The following MARCHF3 variants were observed in gnomAD, a reference collection of about 807,000 sequenced individuals.
MARCHF3 encodes E3 ubiquitin-protein ligase MARCHF3.
MARCHF3 carries 13 observed loss-of-function variants against 24.2 expected under a neutral mutation model. The ratio of observed to expected loss-of-function variants is 0.54; its 90% confidence interval spans 0.35 to 0.85. MARCHF3 has a LOEUF of 0.85. Ranked by LOEUF, MARCHF3 falls within the 40% of genes least tolerant of loss-of-function variation. MARCHF3 has a pLI of 0.01. For synonymous variants in MARCHF3, 144 were observed against 137.3 expected (o/e 1.05, Z -0.34); for missense variants, 276 against 325.0 (o/e 0.85, Z 1.16).
At chr5:126,997,663 A>G (rs1447559620) in intron 1 of MARCHF3, among the ~76,000 whole-genome samples, 1 of 152,158 alleles carries the variant, frequency 6.6e-6, no homozygotes, top group East Asian at 1.9e-4. Context: ...CTATTCAGTT[A>G]TTTTTCTAAA....
At chr5:126,917,829 A>G (rs1388079411) in intron 2 of MARCHF3, among the ~76,000 whole-genome samples, 155 bp downstream of exon 2, 1 of 151,738 alleles carries the variant, frequency 6.6e-6, no homozygotes, top group Non-Finnish European at 1.5e-5. Flanking sequence ...AAACGGCAAT[A>G]ACAGAACTCG....
At chr5:126,992,365 C>A (rs1429709492) in intron 1 of MARCHF3, among the ~76,000 whole-genome samples, 1 of 152,210 alleles carries the variant, frequency 6.6e-6, no homozygotes. Context: ...TCAGAGGAGA[C>A]AGGCTCAGGG....
At chr5:126,906,674 C>A (rs999748980) in intron 3 of MARCHF3, among the ~76,000 whole-genome samples, 3 of 152,108 alleles carry the variant, frequency 2.0e-5, no homozygotes, top group Non-Finnish European at 2.9e-5. Flanking sequence ...TCCCCTTTAT[C>A]ATTTTTTATT....
intron 1 of MARCHF3, among the ~76,000 whole-genome samples, chr5:126,932,516 T>C (rs781428319): frequency 6.6e-6 from 1 of 152,164 alleles, no homozygotes; most frequent in Non-Finnish European, 1.5e-5. Context: ...TGCCACTGGA[T>C]GGCATGATCC....
At chr5:126,959,595 C>G (rs73786236) in intron 1 of MARCHF3, among the ~76,000 whole-genome samples, 2 of 152,056 alleles carry the variant, frequency 1.3e-5, no homozygotes, top group South Asian at 2.1e-4. Context: ...AATCTTGGTC[C>G]TTTGTTCTGA....
chr5:126,956,230 T>C (rs1476658633), intron 1 of MARCHF3, among the ~76,000 whole-genome samples: 2 of 152,198 alleles, frequency 1.3e-5, no homozygotes, highest in Non-Finnish European at 2.9e-5. Flanking sequence ...ATTTCTTTTG[T>C]CTTCAGTTAC....
chr5:127,020,632 C>T (rs921058810), intron 1 of MARCHF3, among the ~76,000 whole-genome samples: 1 of 152,094 alleles, frequency 6.6e-6, no homozygotes, highest in African/African-American at 2.4e-5. Context: ...GGGCAGATCC[C>T]TTGAGCTCAG....
At chr5:126,906,027 G>C (rs1174005813) in intron 3 of MARCHF3, among the ~76,000 whole-genome samples, 168 of 148,962 alleles carry the variant, frequency 1.1e-3, no homozygotes, top group African/African-American at 2.9e-3. Flanking sequence ...TAGCATGAAG[G>C]GTTGTTGAAT....
At chr5:126,955,855 C>A (rs1051174696) in intron 1 of MARCHF3, among the ~76,000 whole-genome samples, 35 of 152,258 alleles carry the variant, frequency 2.3e-4, no homozygotes, top group African/African-American at 8.4e-4. Flanking sequence ...TGTGTACCGA[C>A]TGAGAAATAA....
chr5:126,869,679 G>C lies in MARCHF3; in HGVS notation c.*954C>G, dbSNP rs770389219. 7.0e-6 allele frequency: 1 copy of C among 142,508 alleles called. No homozygotes were observed. Among genetic ancestry groups the C allele is most frequent in the African/African-American group, 2.6e-5 (1 of 38,628 alleles). The allele number at this position is 142,508 out of a possible 1,614,324, so 8.8% of individuals were successfully genotyped here. ...AATTGACATGCAAAACAGGTCTAGGGTTCCTAGAAATGTCTAATGATCCTC... is the reference window on the plus strand; with the variant it reads ...AATTGACATGCAAAACAGGTCTAGGCTTCCTAGAAATGTCTAATGATCCTC... On this transcript the variant is annotated 3_prime_UTR_variant, in exon 5 of 5. Transcript: ENST00000308660.
chr5:126,940,014 A>G (rs1163563372), intron 1 of MARCHF3, among the ~76,000 whole-genome samples: 2 of 152,212 alleles, frequency 1.3e-5, no homozygotes, highest in East Asian at 3.8e-4. Context: ...GGGTCTAAAC[A>G]GTGAGATCAC....
intron 1 of MARCHF3, among the ~76,000 whole-genome samples, chr5:126,928,797 AC>A (rs1473269452): frequency 6.6e-6 from 1 of 152,222 alleles, no homozygotes; most frequent in African/African-American, 2.4e-5. Flanking sequence ...AGATTTTATC[AC>A]ATTTGTTTCA....
chr5:126,911,773 G>C (rs1486230912), intron 3 of MARCHF3, among the ~76,000 whole-genome samples: 1 of 152,198 alleles, frequency 6.6e-6, no homozygotes, highest in Non-Finnish European at 1.5e-5. Flanking sequence ...ATTTAGACTG[G>C]CCATGTAGGT....
chr5:126,925,499 T>C (rs1369764231), intron 1 of MARCHF3, among the ~76,000 whole-genome samples: 1 of 152,200 alleles, frequency 6.6e-6, no homozygotes, highest in Non-Finnish European at 1.5e-5. Context: ...TTTAGACATA[T>C]TTTTCCCTCA....
intron 1 of MARCHF3, among the ~76,000 whole-genome samples, chr5:126,980,445 A>C (rs2126835590): frequency 6.6e-6 from 1 of 150,502 alleles, no homozygotes; most frequent in African/African-American, 2.4e-5. Context: ...ATCTTGGCTC[A>C]CTGCAATCTC....
intron 2 of MARCHF3, among the ~76,000 whole-genome samples, chr5:126,916,692 G>GACACACACACACACAC (rs34090036): frequency 0.015 from 2,013 of 130,480 alleles, 47 homozygotes; most frequent in African/African-American, 0.018. Context: ...CAGACAGACA[G>GACACACACACACACAC]ACACACACAC....
At chr5:126,973,761 C>T (rs2126831029) in intron 1 of MARCHF3, among the ~76,000 whole-genome samples, 1 of 152,284 alleles carries the variant, frequency 6.6e-6, no homozygotes, top group African/African-American at 2.4e-5. Flanking sequence ...AGTTCATCAC[C>T]ATCCAAATTG....
chr5:127,026,080 CA>C (rs1752987032), intron 1 of MARCHF3, among the ~76,000 whole-genome samples: 2 of 151,064 alleles, frequency 1.3e-5, no homozygotes, highest in East Asian at 3.9e-4. Flanking sequence ...AGTTAGATGC[CA>C]GAAGAATGCC....
Position 126,868,898 on chromosome 5 carries a change from T to TC in MARCHF3, c.*1734_*1735insG, listed in dbSNP as rs1268430164. ...AAGAAACGGTTGATGGTGGTGCAGC[T>TC]AATGACAGCCCAGGGGGGTGAGCAG... On this transcript the variant is annotated 3_prime_UTR_variant, in exon 5 of 5. Coordinates refer to ENST00000308660, the MANE Select transcript of MARCHF3 (RefSeq NM_178450.5). The TC allele has an allele frequency of 6.6e-6, 1 of 152,232 alleles. No individual in the cohort carries two copies. The allele number at this position is 152,232 out of a possible 1,614,324, so 9.4% of individuals were successfully genotyped here.
Sources: gnomAD v4.1 joint callset for allele counts (sites outside exome capture counted in the v4.1 genomes callset) on GRCh38, gnomAD v4.1.1 for gene constraint, MANE v1.5 for transcripts, NCBI Gene and HGNC (gene_info 2026-07-23, HGNC 2026-07-21) for gene names.